Variants in TRAPPC10 observed in about 807,000 individuals in gnomAD.
TRAPPC10 encodes the protein TRAPP 130 kDa subunit.
TRAPPC10 carries 23 observed loss-of-function variants against 125.5 expected under a neutral mutation model. That is an observed-to-expected ratio of 0.18 (90% CI 0.13 to 0.26). The LOEUF is 0.26. TRAPPC10 is among the 10% of genes least tolerant of loss of function. TRAPPC10 has a pLI of 1.00. For missense variants in TRAPPC10, 1,123 were observed against 1,308.4 expected, an observed-to-expected ratio of 0.86 and a Z score of 2.19; for synonymous variants, 509 against 518.0, an observed-to-expected ratio of 0.98 and a Z score of 0.24.
intron 7 of TRAPPC10, among the ~76,000 whole-genome samples, chr21:44,067,456 G>A (rs1601731172): frequency 6.6e-6 from 1 of 152,276 alleles, no homozygotes; most frequent in East Asian, 1.9e-4. Context: ...AGGGGGAGGA[G>A]CTGGATTGAA....
Position 44,082,676 on chromosome 21 carries a change from C to A in TRAPPC10, c.1724-112C>A. On this transcript the variant is annotated intron_variant, in intron 13 of 22. Coordinates refer to ENST00000291574, the MANE Select transcript of TRAPPC10 (RefSeq NM_003274.5). This position sits in a 1 kb window ranked among gnomAD's most constrained non-coding sequence, Gnocchi z 4.4. ...CTGGGCTCAGCTGCTGTGCCCATCA[C>A]TGCTGCTTGCTTCAGTCTGCTCTCG... The A allele has an allele frequency of 1.6e-6, 2 of 1,239,120 alleles. No homozygotes were observed. The highest frequency in any genetic ancestry group is 2.7e-4 in the Middle Eastern group (1 of 3,646). 76.8% of individuals were successfully genotyped at this position (1,239,120 alleles called of 1,614,324 possible).
chr21:44,062,368 C>T (rs1181318119), intron 6 of TRAPPC10, among the ~76,000 whole-genome samples: 1 of 152,204 alleles, frequency 6.6e-6, no homozygotes, highest in African/African-American at 2.4e-5. Flanking sequence ...AAAAGTAAAT[C>T]TATCACTTGC....
At chr21:44,077,546 C>G in intron 10 of TRAPPC10, 147 bp from the exon 11 acceptor site, 1 of 496,208 alleles carries the variant, frequency 2.0e-6, no homozygotes, top group East Asian at 3.5e-5. Flanking sequence ...GATCTCACCG[C>G]TGTGCTCCAG....
At chr21:44,071,643 G>T (rs1711745163) in intron 7 of TRAPPC10, among the ~76,000 whole-genome samples, 2 of 152,166 alleles carry the variant, frequency 1.3e-5, no homozygotes, top group Non-Finnish European at 2.9e-5. Flanking sequence ...CTGCAGAAAG[G>T]GTTGTGTATG....
At chr21:44,049,512 A>T (rs1418227245) in intron 3 of TRAPPC10, among the ~76,000 whole-genome samples, 1 of 152,100 alleles carries the variant, frequency 6.6e-6, no homozygotes, top group Non-Finnish European at 1.5e-5. Flanking sequence ...CAGGCTCGGG[A>T]CTTAAATTGA....
At chr21:44,047,920 A>G (rs189799748) in intron 3 of TRAPPC10, among the ~76,000 whole-genome samples, 2 of 152,230 alleles carry the variant, frequency 1.3e-5, no homozygotes, top group East Asian at 1.9e-4. Context: ...GGCTATTTCT[A>G]TTGATTGATT....
At position 44,079,624 on chromosome 21, in the gene TRAPPC10, G is replaced by A; in HGVS notation, c.1530G>A (p.Leu510=). 1 of 1,609,774 alleles carries A rather than the reference G, an allele frequency of 6.2e-7. No homozygotes were observed. The highest frequency in any genetic ancestry group is 1.3e-5 in the African/African-American group (1 of 74,734). Residue 510 remains leucine (L), a synonymous_variant, in exon 12 of 23, where the codon CTG becomes CTA. Transcript: ENST00000291574. ...TTCAAGGAGCACTGAAAAACTACCT[G>A]GCTGAGGGCTGGGCACTCCCCATCA... is the stretch of plus-strand genomic sequence containing the variant. ...IYLQGALKNY[L]AEGWALPITH...
chr21:44,086,995 C>G, intron 16 of TRAPPC10, 35 bp downstream of exon 16: 1 of 1,608,486 alleles, frequency 6.2e-7, no homozygotes. Context: ...AAGGAGGATG[C>G]CCACCTTGCC....
rs146541735 is a variant in TRAPPC10, at chr21:44,054,837, C to T, written c.483-861C>T. 2.6e-5 allele frequency among the ~76,000 whole-genome samples: 4 copies of T among 152,264 alleles called. No homozygotes were observed. In the East Asian group the frequency reaches 7.7e-4, roughly 29 times the overall value. ...GGGGAGTGTTTTCCTGTGAGGCCCA[C>T]AGCCTAGCAGCAGTGTGGGCAGAGC... On this transcript the variant is annotated intron_variant, in intron 4 of 22. Coordinates refer to ENST00000291574, the MANE Select transcript of TRAPPC10 (RefSeq NM_003274.5).
At chr21:44,074,004 T>C (rs1175216167) in intron 7 of TRAPPC10, among the ~76,000 whole-genome samples, 1 of 152,136 alleles carries the variant, frequency 6.6e-6, no homozygotes, top group African/African-American at 2.4e-5. Context: ...TCTTTTTCTA[T>C]ATATATTTTT....
At chr21:44,036,573 G>T (rs2033999662) in intron 2 of TRAPPC10, among the ~76,000 whole-genome samples, 1 of 152,204 alleles carries the variant, frequency 6.6e-6, no homozygotes, top group Non-Finnish European at 1.5e-5. Context: ...TGCTTGTCAT[G>T]ATACGGAGAT....
intron 12 of TRAPPC10, 100 bp downstream of exon 12, chr21:44,079,804 G>T (rs17178515): frequency 0.041 from 54,784 of 1,332,152 alleles, 1,389 homozygotes; most frequent in Non-Finnish European, 0.048. Flanking sequence ...ATTAAGGAGA[G>T]AAAAGTCCTA....
chr21:44,019,455 T>C (rs569472030), intron 1 of TRAPPC10, among the ~76,000 whole-genome samples: 25 of 152,308 alleles, frequency 1.6e-4, no homozygotes, highest in African/African-American at 6.0e-4. Flanking sequence ...CTCACCTTCT[T>C]TCTTCCTCAA....
chr21:44,041,834 C>A (rs1813383744), intron 3 of TRAPPC10, among the ~76,000 whole-genome samples: 1 of 152,112 alleles, frequency 6.6e-6, no homozygotes, highest in South Asian at 2.1e-4. Flanking sequence ...CCAAGTGATT[C>A]TTCTGCCTCA....
intron 1 of TRAPPC10, among the ~76,000 whole-genome samples, chr21:44,019,788 A>C (rs1395132737): frequency 2.0e-5 from 3 of 152,198 alleles, no homozygotes; most frequent in African/African-American, 7.2e-5. Context: ...TGTCTGTGTT[A>C]GCTACCAAGC....
intron 19 of TRAPPC10, among the ~76,000 whole-genome samples, chr21:44,092,851 C>T (rs2038681280): frequency 1.3e-5 from 2 of 152,110 alleles, no homozygotes. Context: ...GGCTGGAATG[C>T]AATCGTGTGA....
chr21:44,018,760 G>A (rs944179413), intron 1 of TRAPPC10, among the ~76,000 whole-genome samples: 3 of 151,840 alleles, frequency 2.0e-5, no homozygotes, highest in African/African-American at 7.3e-5. Flanking sequence ...AGTTTTTGCT[G>A]TGTGCTTCCA....
chr21:44,093,648 C>T lies in TRAPPC10; in HGVS notation c.2998-415C>T, dbSNP rs552505298. Among the ~76,000 whole-genome samples the T allele has an allele frequency of 7.2e-5, 11 of 151,920 alleles. No homozygotes were observed. The East Asian group carries it at 1.9e-3, about 27-fold the overall frequency. ...CGGCGTGCATCTGTAGTCCCAGCTA[C>T]TCGGGAGGCTGATGCGGAAGAATCA... On this transcript the variant is annotated intron_variant, in intron 19 of 22. Transcript: ENST00000291574.
At chr21:44,014,821 G>C (rs1030122723) in intron 1 of TRAPPC10, among the ~76,000 whole-genome samples, 1 of 152,028 alleles carries the variant, frequency 6.6e-6, no homozygotes, top group African/African-American at 2.4e-5. Context: ...AAGAGAAGGG[G>C]GCTTCAGTAG....
Sources: gnomAD v4.1 joint callset for allele counts (sites outside exome capture counted in the v4.1 genomes callset) on GRCh38, gnomAD v4.1.1 for gene constraint, Gnocchi (gnomAD v3.1) non-coding constraint, MANE v1.5 for transcripts, NCBI Gene and HGNC (gene_info 2026-07-23, HGNC 2026-07-21) for gene names.